The following ZNF462 variants were observed in gnomAD, a reference collection of about 807,000 sequenced individuals.
The protein encoded by ZNF462 is zinc finger protein 462.
ZNF462 carries 10 observed loss-of-function variants against 201.9 expected under a neutral mutation model. That is an observed-to-expected ratio of 0.05 (90% CI 0.03 to 0.08). The LOEUF is 0.08. ZNF462 is among the 10% of genes least tolerant of loss of function. ZNF462 has a pLI of 1.00. For synonymous variants in ZNF462, 1,227 were observed against 1,193.3 expected (o/e 1.03, Z -0.58); for missense variants, 2,523 against 3,168.3 (o/e 0.80, Z 4.89).
At chr9:107,004,250 A>C (rs1439249664) in intron 11 of ZNF462, among the ~76,000 whole-genome samples, 2 of 152,200 alleles carry the variant, frequency 1.3e-5, no homozygotes, top group African/African-American at 2.4e-5. Flanking sequence ...AAACATCAGA[A>C]ATCAACATTG....
rs142789348 is a variant in ZNF462, at chr9:106,982,250, T to A, written c.6833-1936T>A. On this transcript the variant is annotated intron_variant, in intron 9 of 12. Transcript: ENST00000277225. ...GGTCAATTTGCCTCCCCAGAGTGTG[T>A]TAGTCTGCAGGCATTTTTGGTTGTC... 3.1e-3 allele frequency among the ~76,000 whole-genome samples: 468 copies of A among 152,290 alleles called. 4 individuals carry two copies. Among genetic ancestry groups the A allele is most frequent in the African/African-American group, 0.011 (457 of 41,558 alleles).
Position 107,003,510 on chromosome 9 carries a change from G to A in ZNF462, c.7189+84G>A. ...AGAAGGGAGGCAGGAGGTTGTTGTA[G>A]GAGTAACAGAAGGAATGATCCTTCT... is the stretch of plus-strand genomic sequence containing the variant. On this transcript the variant is annotated intron_variant, in intron 11 of 12. Coordinates refer to ENST00000277225, the MANE Select transcript of ZNF462 (RefSeq NM_021224.6). This position sits in a 1 kb window ranked among gnomAD's most constrained non-coding sequence, Gnocchi z 4.4. 6.5e-7 allele frequency: 1 copy of A among 1,532,688 alleles called. No homozygotes were observed. The highest frequency in any genetic ancestry group is 8.8e-7 in the Non-Finnish European group (1 of 1,137,328). 94.9% of individuals were successfully genotyped at this position (1,532,688 alleles called of 1,614,324 possible).
In ZNF462 at chr9:106,921,558, G is replaced by A. The variant is rs1386203339; in HGVS notation, c.-30-1796G>A. Among the ~76,000 whole-genome samples the A allele has an allele frequency of 2.0e-5, 3 of 152,330 alleles. 1 individual carries two copies. The East Asian group carries it at 5.8e-4, about 29-fold the overall frequency. On this transcript the variant is annotated intron_variant, in intron 1 of 12. Transcript: ENST00000277225. The stretch of plus-strand genomic sequence containing the variant: ...GAGTCTTAGAGCTTCAGTGACGCAG[G>A]AGCTCATATCTCTTGAAAGTGTGAT...
At chr9:106,949,927 C>G (rs1292068654) in intron 7 of ZNF462, among the ~76,000 whole-genome samples, 2 of 152,158 alleles carry the variant, frequency 1.3e-5, no homozygotes, top group African/African-American at 2.4e-5. Context: ...ATAACAGCTC[C>G]GTCTCCAGCA....
chr9:106,888,707 G>C (rs1828439958), intron 1 of ZNF462, among the ~76,000 whole-genome samples: 1 of 152,188 alleles, frequency 6.6e-6, no homozygotes, highest in Non-Finnish European at 1.5e-5. Context: ...TAATGAGAGA[G>C]AGTTAACCTA....
Position 106,876,835 on chromosome 9 carries a change from ATATTGGCTGTGCTG to A in ZNF462, c.-31+13482_-31+13495del, listed in dbSNP as rs1216452449. Among the ~76,000 whole-genome samples the A allele has an allele frequency of 1.3e-5, 2 of 152,182 alleles. No homozygotes were observed. Among genetic ancestry groups the A allele is most frequent in the African/African-American group, 4.8e-5 (2 of 41,438 alleles). On this transcript the variant is annotated intron_variant, in intron 1 of 12. Coordinates refer to ENST00000277225, the MANE Select transcript of ZNF462 (RefSeq NM_021224.6). The surrounding 1 kb of genome is among the most constrained non-coding windows in gnomAD (Gnocchi z 4.9). Reference sequence around the variant, plus strand: ...GAAAATTGTCCTTATTGCAGAGAAAATATTGGCTGTGCTGTTTATATAAATGTTGTCTGCCTCAC... The same window carrying A: ...GAAAATTGTCCTTATTGCAGAGAAAATTTATATAAATGTTGTCTGCCTCAC...
chr9:106,938,893 T>TTCTTGTCACCA lies in ZNF462; in HGVS notation c.6236-20_6236-10dup, dbSNP rs769037763. ...TTCTCCCCTCTTTTTCCTGTTCTAT[T>TTCTTGTCACCA]TCTTGTCACCATCCTCTTCCAGGTG... On this transcript the variant is annotated intron_variant, in intron 6 of 12. Transcript: ENST00000277225. This position sits in a 1 kb window ranked among gnomAD's most constrained non-coding sequence, Gnocchi z 4.4. 3 of 1,583,036 alleles carry TTCTTGTCACCA rather than the reference T, an allele frequency of 1.9e-6. No homozygotes were observed. The highest frequency in any genetic ancestry group is 2.7e-5 in the African/African-American group (2 of 74,248).
chr9:106,976,824 T>A (rs546715542), intron 9 of ZNF462, among the ~76,000 whole-genome samples: 26 of 152,340 alleles, frequency 1.7e-4, no homozygotes, highest in African/African-American at 6.3e-4. Flanking sequence ...GGATGACTGT[T>A]ATCCCCCATG....
upstream of ZNF462, among the ~76,000 whole-genome samples, chr9:106,860,949 C>A (rs1827049535): frequency 6.6e-6 from 1 of 152,006 alleles, no homozygotes; most frequent in Non-Finnish European, 1.5e-5. This position sits in a 1 kb window ranked among gnomAD's most constrained non-coding sequence, Gnocchi z 7.1. Flanking sequence ...TTTCTTCTTT[C>A]TCTTCTCGGT....
rs925197248 is a variant in ZNF462 at position 106,959,679 on chromosome 9, G to A, written c.6428-12326G>A. Among the ~76,000 whole-genome samples, 5 of 152,058 alleles carry A rather than the reference G, an allele frequency of 3.3e-5. No individual in the cohort carries two copies. The South Asian group carries it at 1.0e-3, about 32-fold the overall frequency. ...TTGTCTGTTTTCCAGTTGTTGCTGGGTTTTGCCATCTATATAATGGGAAGT... is the reference window on the plus strand; with the variant it reads ...TTGTCTGTTTTCCAGTTGTTGCTGGATTTTGCCATCTATATAATGGGAAGT... On this transcript the variant is annotated intron_variant, in intron 7 of 12. Transcript: ENST00000277225.
chr9:106,973,773 A>C (rs945256182), intron 8 of ZNF462, among the ~76,000 whole-genome samples: 3 of 152,140 alleles, frequency 2.0e-5, no homozygotes, highest in Non-Finnish European at 4.4e-5. Context: ...CTAGCTTTAA[A>C]ATAGTCTCTC....
At chr9:106,934,790 A>G (rs1395941848) in intron 5 of ZNF462, among the ~76,000 whole-genome samples, 1 of 152,166 alleles carries the variant, frequency 6.6e-6, no homozygotes, top group Non-Finnish European at 1.5e-5. Context: ...TTTTTAGGCT[A>G]ATAATTATTA....
chr9:106,984,214 C>T lies in ZNF462; in HGVS notation c.6861C>T (p.Cys2287=). ...REERVVPIEV[C]RSKLSKYLQG... ...AGCGTGTTGTCCCCATTGAAGTTTG[C>T]CGGTCCAAACTGTCCAAATACTTGC... Residue 2287 remains cysteine, a synonymous_variant, in exon 10 of 13, where the codon TGC becomes TGT. Transcript: ENST00000277225. The surrounding 1 kb of genome is among the most constrained non-coding windows in gnomAD (Gnocchi z 6.4). 1 of 1,613,862 alleles carries T rather than the reference C, an allele frequency of 6.2e-7. No individual in the cohort carries two copies. The highest frequency in any genetic ancestry group is 8.5e-7 in the Non-Finnish European group (1 of 1,179,870).
intron 7 of ZNF462, among the ~76,000 whole-genome samples, chr9:106,940,279 G>A (rs192362575): frequency 8.5e-5 from 13 of 152,204 alleles, no homozygotes; most frequent in South Asian, 6.2e-4. Flanking sequence ...ATAAAAGGCC[G>A]TTTTATTTCT....
chr9:106,921,163 A>G (rs1829974709), intron 1 of ZNF462, among the ~76,000 whole-genome samples: 1 of 152,108 alleles, frequency 6.6e-6, no homozygotes, highest in African/African-American at 2.4e-5. Context: ...AAGCCAAGGC[A>G]TTCTGGAGGT....
In ZNF462 at chr9:106,924,648, G is replaced by C; in HGVS notation, c.736G>C (p.Glu246Gln). The C allele has an allele frequency of 6.2e-7, 1 of 1,614,148 alleles. No individual in the cohort carries two copies. Residue 246 changes from glutamate (E) to glutamine (Q), a missense_variant, in exon 3 of 13, where the codon GAG (glutamate) becomes CAG (glutamine). By Grantham distance (29) the Glu-to-Gln change is conservative (BLOSUM62 2). Transcript: ENST00000277225. This position sits in a 1 kb window ranked among gnomAD's most constrained non-coding sequence, Gnocchi z 6.2. ...LTKSRGNFCC[E>Q]WCSYQTPRRE... ...CAAATCTCGAGGCAACTTTTGTTGT[G>C]AGTGGTGCAGCTACCAGACCCCCCG...
intron 10 of ZNF462, among the ~76,000 whole-genome samples, chr9:106,989,831 G>T (rs1828131280): frequency 6.6e-6 from 1 of 152,048 alleles, no homozygotes. Context: ...GTGCGTAAAG[G>T]TGTTCATAGT....
rs57114077 is a variant in ZNF462 at position 107,012,711 on chromosome 9, G to GTTTTTTTT, written c.*1693_*1700dup. On this transcript the variant is annotated 3_prime_UTR_variant, in exon 13 of 13. Transcript: ENST00000277225. Reference sequence around the variant, plus strand: ...CACGTGTGAATCCTTTGGTTTTCATGTTTTTTTTTTTTTTTTTTTACTTGG... The same window carrying GTTTTTTTT: ...CACGTGTGAATCCTTTGGTTTTCATGTTTTTTTTTTTTTTTTTTTTTTTTTTTACTTGG... 5 of 70,272 alleles carry GTTTTTTTT rather than the reference G, an allele frequency of 7.1e-5. No individual in the cohort carries two copies. The highest frequency in any genetic ancestry group is 1.2e-4 in the Non-Finnish European group (4 of 33,068). The allele number at this position is 70,272 out of a possible 1,614,324, so 4.4% of individuals were successfully genotyped here. A position where few individuals can be genotyped will look rare whatever the true frequency, so the allele number is the denominator to read the frequency against.
chr9:106,975,252 C>T (rs1254232093), intron 9 of ZNF462: 4 of 152,216 alleles, frequency 2.6e-5, no homozygotes, highest in South Asian at 2.1e-4. Context: ...TTCATTCCTT[C>T]GCCTCTGACC....
Sources: gnomAD v4.1 joint callset for allele counts (sites outside exome capture counted in the v4.1 genomes callset) on GRCh38, gnomAD v4.1.1 for gene constraint, Gnocchi (gnomAD v3.1) non-coding constraint, MANE v1.5 for transcripts, NCBI Gene and HGNC (gene_info 2026-07-23, HGNC 2026-07-21) for gene names.